Variants in PARP8 observed in about 807,000 individuals in gnomAD.
The protein encoded by PARP8 is poly(ADP-ribose) polymerase family member 8.
A neutral mutation model predicts 124.1 loss-of-function variants in PARP8; 51 were observed. That is an observed-to-expected ratio of 0.41 (90% CI 0.33 to 0.52). The LOEUF is 0.52. Among genes scored for constraint, PARP8 ranks in the 20% least tolerant of loss-of-function variants. PARP8 has a pLI of 0.21. For synonymous variants in PARP8, 391 were observed against 361.5 expected, an observed-to-expected ratio of 1.08 and a Z score of -0.93; for missense variants, 860 against 1,018.9, an observed-to-expected ratio of 0.84 and a Z score of 2.12.
intron 1 of PARP8, 120 bp downstream of exon 1, chr5:50,667,306 G>C: frequency 2.8e-6 from 3 of 1,055,198 alleles, no homozygotes; most frequent in Non-Finnish European, 4.3e-6. Context: ...GGTTCATTTG[G>C]CAACAGCTGC....
At chr5:50,838,732 A>G (rs1747854670) in intron 25 of PARP8, among the ~76,000 whole-genome samples, 1 of 152,000 alleles carries the variant, frequency 6.6e-6, no homozygotes. Flanking sequence ...AGTTACATGC[A>G]CAAACCACTG....
intron 7 of PARP8, among the ~76,000 whole-genome samples, chr5:50,771,359 A>C (rs1761614068): frequency 6.6e-6 from 1 of 152,114 alleles, no homozygotes; most frequent in Non-Finnish European, 1.5e-5. Context: ...GGGTTTCACC[A>C]TGTTGGTCAG....
chr5:50,781,842 T>C (rs759198602), intron 9 of PARP8, among the ~76,000 whole-genome samples: 2 of 152,190 alleles, frequency 1.3e-5, no homozygotes, highest in African/African-American at 2.4e-5. Flanking sequence ...ACCTACAAGA[T>C]GGGGTGGAAA....
intron 17 of PARP8, 96 bp from the exon 18 acceptor site, chr5:50,824,812 C>A: frequency 1.1e-6 from 1 of 897,708 alleles, no homozygotes; most frequent in Non-Finnish European, 1.8e-6. Context: ...TTAAGTCTTA[C>A]TAGATTAGGC....
intron 7 of PARP8, among the ~76,000 whole-genome samples, chr5:50,768,748 A>C (rs923905344): frequency 6.6e-6 from 1 of 152,198 alleles, no homozygotes; most frequent in Non-Finnish European, 1.5e-5. Context: ...TGGGCCACTG[A>C]AAGTTATTCA....
At chr5:50,703,240 A>G (rs1471035240) in intron 2 of PARP8, among the ~76,000 whole-genome samples, 1 of 151,730 alleles carries the variant, frequency 6.6e-6, no homozygotes, top group Non-Finnish European at 1.5e-5. Flanking sequence ...AATTGAGGCT[A>G]AATGAGCCAT....
At chr5:50,684,842 G>A (rs535074812) in intron 2 of PARP8, among the ~76,000 whole-genome samples, 22 of 152,292 alleles carry the variant, frequency 1.4e-4, no homozygotes, top group Admixed American at 1.2e-3. Flanking sequence ...TGTGGGGTAT[G>A]AGGGATTACG....
intron 2 of PARP8, among the ~76,000 whole-genome samples, chr5:50,726,493 A>G (rs1391226624): frequency 6.6e-6 from 1 of 152,202 alleles, no homozygotes; most frequent in African/African-American, 2.4e-5. Flanking sequence ...CCACATGATT[A>G]GCATCACTAA....
At chr5:50,676,192 C>A (rs986088749) in intron 2 of PARP8, among the ~76,000 whole-genome samples, 3 of 152,198 alleles carry the variant, frequency 2.0e-5, no homozygotes, top group African/African-American at 7.2e-5. Flanking sequence ...GCGGAAAACA[C>A]TTTGGCAAAC....
rs1309619693 is a variant in PARP8, at chr5:50,822,472, T to C, written c.1860+72T>C. On this transcript the variant is annotated intron_variant, in intron 17 of 25. Transcript: ENST00000281631. ...AGAGTTCTAGCTATGTAGTGAAATG[T>C]AGACTTCTCTATAATACATATCATT... is the stretch of plus-strand genomic sequence containing the variant. 3 of 1,169,422 alleles carry C rather than the reference T, an allele frequency of 2.6e-6. No homozygotes were observed. In the African/African-American group the frequency reaches 4.7e-5, roughly 18 times the overall value. 72.4% of individuals were successfully genotyped at this position (1,169,422 alleles called of 1,614,324 possible). A position where few individuals can be genotyped will look rare whatever the true frequency, so the allele number is the denominator to read the frequency against.
At chr5:50,714,566 T>C (rs1324204059) in intron 2 of PARP8, among the ~76,000 whole-genome samples, 1 of 152,074 alleles carries the variant, frequency 6.6e-6, no homozygotes, top group East Asian at 1.9e-4. Flanking sequence ...TTTTGCACAG[T>C]ATCAATAGAA....
At chr5:50,669,356 A>C (rs1428876653) in intron 2 of PARP8, 2 of 152,204 alleles carry the variant, frequency 1.3e-5, no homozygotes, top group African/African-American at 4.8e-5. Flanking sequence ...ATTATATCTA[A>C]AGGATCTTCG....
chr5:50,728,510 C>A lies in PARP8; in HGVS notation c.147-21641C>A, dbSNP rs1401157928. On this transcript the variant is annotated intron_variant, in intron 2 of 25. Transcript: ENST00000281631. Reference sequence around the variant, plus strand: ...CAATCTGTCTATTGTTATGGTGGGCCCTTGTTTTCATAGGAATCACACGTT... The same window carrying A: ...CAATCTGTCTATTGTTATGGTGGGCACTTGTTTTCATAGGAATCACACGTT... Among the ~76,000 whole-genome samples, 4 of 151,974 alleles carry A rather than the reference C, an allele frequency of 2.6e-5. No homozygotes were observed. In the East Asian group the frequency reaches 7.7e-4, roughly 29 times the overall value.
At chr5:50,746,094 C>A (rs1313111849) in intron 2 of PARP8, among the ~76,000 whole-genome samples, 1 of 152,182 alleles carries the variant, frequency 6.6e-6, no homozygotes, top group South Asian at 2.1e-4. Context: ...TTAATCTGAT[C>A]TCTCTTTTCT....
intron 2 of PARP8, among the ~76,000 whole-genome samples, chr5:50,676,868 T>C (rs1324638895): frequency 6.6e-6 from 1 of 152,206 alleles, no homozygotes; most frequent in East Asian, 1.9e-4. Flanking sequence ...GCAATGTCAG[T>C]TATTAAGCTT....
intron 7 of PARP8, among the ~76,000 whole-genome samples, chr5:50,774,614 G>A (rs1739704973): frequency 1.4e-5 from 2 of 142,198 alleles, no homozygotes; most frequent in South Asian, 2.3e-4. Flanking sequence ...CCGGGCAGAG[G>A]CGCTCCTCAC....
At chr5:50,776,145 A>G (rs1433088812) in intron 7 of PARP8, among the ~76,000 whole-genome samples, 34 of 152,250 alleles carry the variant, frequency 2.2e-4, no homozygotes, top group Non-Finnish European at 2.9e-4. Flanking sequence ...TGAAAAGATC[A>G]TAACATTTTC....
intron 14 of PARP8, among the ~76,000 whole-genome samples, chr5:50,800,468 G>C (rs1406231624): frequency 1.3e-5 from 2 of 151,846 alleles, no homozygotes; most frequent in African/African-American, 4.9e-5. Flanking sequence ...AGACTGATTA[G>C]AAGTGGCAAG....
chr5:50,720,782 C>A lies in PARP8; in HGVS notation c.147-29369C>A, dbSNP rs369130972. 3.3e-5 allele frequency among the ~76,000 whole-genome samples: 5 copies of A among 152,090 alleles called. No individual in the cohort carries two copies. In the East Asian group the frequency reaches 9.7e-4, roughly 30 times the overall value. On this transcript the variant is annotated intron_variant, in intron 2 of 25. Transcript: ENST00000281631. The stretch of plus-strand genomic sequence containing the variant: ...AAAGCCTGCTTTTCCATGAAATACA[C>A]CATGCTTTTGAGCTGACCTTTGCTC...
Sources: allele counts gnomAD v4.1 joint callset (sites outside exome capture counted in the v4.1 genomes callset), GRCh38; gene constraint gnomAD v4.1.1; transcripts MANE v1.5; gene names NCBI Gene and HGNC (gene_info 2026-07-23, HGNC 2026-07-21).